The following SDK2 variants were observed in gnomAD, a reference collection of about 807,000 sequenced individuals.
SDK2 encodes sidekick cell adhesion molecule 2, also known as protein sidekick-2.
Under a neutral mutation model 253.9 loss-of-function variants are expected in SDK2, and 105 were observed. The observed-to-expected ratio is 0.41, with a 90% CI of 0.35 to 0.49. The LOEUF is 0.49. Among genes scored for constraint, SDK2 ranks in the 20% least tolerant of loss-of-function variants. The pLI is 0.06. For missense variants in SDK2, 2,608 were observed against 3,003.0 expected (o/e 0.87, Z 3.07); for synonymous variants, 1,249 against 1,234.9 (o/e 1.01, Z -0.24).
rs2062376247 is a variant in SDK2 at position 73,336,183 on chromosome 17, A to G, written c.*2404T>C. On this transcript the variant is annotated 3_prime_UTR_variant, in exon 45 of 45. Coordinates refer to ENST00000392650, the MANE Select transcript of SDK2 (RefSeq NM_001144952.2). The stretch of plus-strand genomic sequence containing the variant: ...GGAAAGGGATGAAGTTATTTAAAAA[A>G]AAAAAAAAAAAAAAGATGAGAGGAA... 6.6e-6 allele frequency: 1 copy of G among 151,738 alleles called. No individual in the cohort carries two copies. Among genetic ancestry groups the G allele is most frequent in the Non-Finnish European group, 1.5e-5 (1 of 67,878 alleles). 9.4% of individuals were successfully genotyped at this position (151,738 alleles called of 1,614,324 possible). A position where few individuals can be genotyped will look rare whatever the true frequency, so the allele number is the denominator to read the frequency against.
chr17:73,471,852 C>T (rs1223889462), intron 3 of SDK2, among the ~76,000 whole-genome samples: 1 of 152,224 alleles, frequency 6.6e-6, no homozygotes, highest in African/African-American at 2.4e-5. Flanking sequence ...GCTCTTGGCT[C>T]TCGGGACATG....
rs147438025 is a variant in SDK2, at chr17:73,350,783, T to A, written c.5766A>T (p.Lys1922Asn). The stretch of plus-strand genomic sequence containing the variant: ...ACCACTCCTCATAGAAGGGGTTGGC[T>A]TTCTGGGCTGGAGCACAGATAGTCA... ...SSPSQSVPAQ[K>N]ANPFYEEWWF... Residue 1922 changes from lysine to asparagine, a missense_variant, in exon 42 of 45, where the codon AAA becomes AAT. Physicochemically the swap from Lys to Asn is moderately conservative, Grantham distance 94 (BLOSUM62 0). Transcript: ENST00000392650. 1.1e-5 allele frequency: 18 copies of A among 1,608,740 alleles called. No individual in the cohort carries two copies. Among genetic ancestry groups the A allele is most frequent in the Middle Eastern group, 1.7e-4 (1 of 5,972 alleles).
intron 6 of SDK2, among the ~76,000 whole-genome samples, chr17:73,440,525 A>G (rs576647910): frequency 2.8e-4 from 42 of 152,310 alleles, no homozygotes; most frequent in Non-Finnish European, 5.6e-4. Context: ...TCCAAGGGTT[A>G]GAAGTGAGTC....
Position 73,415,980 on chromosome 17 carries a change from G to A in SDK2, c.2199C>T (p.Ala733=), listed in dbSNP as rs149966704. 1.9e-5 allele frequency: 30 copies of A among 1,610,438 alleles called. No individual in the cohort carries two copies. In the African/African-American group the frequency reaches 1.9e-4, roughly 10 times the overall value. ...TAAACTGGTACCCCACGGGCAGCCC[G>A]GCCAGGCAGTACCTGAGGGGAAGAG... ...LKGYIIRYCL[A]GLPVGYQFKN... The change falls in exon 17 of 45, where the codon GCC becomes GCT. Residue 733 remains alanine (A), a synonymous_variant. Transcript: ENST00000392650.
chr17:73,373,054 G>A (rs530289221), intron 36 of SDK2, among the ~76,000 whole-genome samples: 3 of 152,254 alleles, frequency 2.0e-5, no homozygotes, highest in South Asian at 2.1e-4. Flanking sequence ...TCTGGCAACC[G>A]CTGTTCTACT....
At position 73,491,771 on chromosome 17, in the gene SDK2, C is replaced by T. The variant is rs561306963; in HGVS notation, c.224+15667G>A. Among the ~76,000 whole-genome samples, 7 of 152,300 alleles carry T rather than the reference C, an allele frequency of 4.6e-5. No individual in the cohort carries two copies. The East Asian group carries it at 9.7e-4, about 21-fold the overall frequency. ...TCTGGGTGTTCCAAAGTCACCCTTG[C>T]GGGTGCCTTCAGAGATACCAAGTGG... On this transcript the variant is annotated intron_variant, in intron 2 of 44. Coordinates refer to ENST00000392650, the MANE Select transcript of SDK2 (RefSeq NM_001144952.2).
chr17:73,365,924 C>T (rs1391712183), intron 37 of SDK2, among the ~76,000 whole-genome samples: 1 of 152,102 alleles, frequency 6.6e-6, no homozygotes, highest in African/African-American at 2.4e-5. Context: ...CAGGGGGAGC[C>T]ACGCCAAGGA....
intron 44 of SDK2, among the ~76,000 whole-genome samples, chr17:73,339,606 G>A (rs1806968673): frequency 6.6e-6 from 1 of 152,048 alleles, no homozygotes; most frequent in South Asian, 2.1e-4. Context: ...TGCCCAGGCT[G>A]GAGCACAGTG....
At chr17:73,619,426 A>G (rs1210168896) in intron 1 of SDK2, among the ~76,000 whole-genome samples, 2 of 152,244 alleles carry the variant, frequency 1.3e-5, no homozygotes, top group Non-Finnish European at 2.9e-5. Flanking sequence ...AACAGAACAG[A>G]GAGTCTATAT....
intron 18 of SDK2, 66 bp downstream of exon 18, chr17:73,414,578 C>T: frequency 7.8e-7 from 1 of 1,276,220 alleles, no homozygotes; most frequent in South Asian, 1.2e-5. Flanking sequence ...CCCACTCTGT[C>T]CCCTCTCCCC....
intron 20 of SDK2, 73 bp downstream of exon 20, chr17:73,401,581 G>A: frequency 7.4e-7 from 1 of 1,348,962 alleles, no homozygotes; most frequent in Non-Finnish European, 1.0e-6. Flanking sequence ...TAGCTCAAAG[G>A]CAGGGGATGG....
chr17:73,403,864 G>A (rs541342618), intron 18 of SDK2, among the ~76,000 whole-genome samples: 2 of 152,218 alleles, frequency 1.3e-5, no homozygotes, highest in African/African-American at 4.8e-5. Context: ...TTATGTTGCC[G>A]AACTTCTTTG....
intron 8 of SDK2, among the ~76,000 whole-genome samples, chr17:73,436,004 TC>T (rs1327579060): frequency 6.6e-6 from 1 of 152,166 alleles, no homozygotes; most frequent in African/African-American, 2.4e-5. Flanking sequence ...TCCTCCCACC[TC>T]AGCCTCCCAA....
chr17:73,519,161 T>C (rs2064055758), intron 1 of SDK2: 1 of 152,244 alleles, frequency 6.6e-6, no homozygotes, highest in Non-Finnish European at 1.5e-5. Flanking sequence ...TCAGCGATGG[T>C]GCCACCAGAT....
At chr17:73,419,375 G>C in intron 15 of SDK2, 69 bp from the exon 16 acceptor site, 1 of 1,540,576 alleles carries the variant, frequency 6.5e-7, no homozygotes, top group South Asian at 1.2e-5. Flanking sequence ...ATATGAGAAG[G>C]CTGAACCCTG....
rs1378892111 is a variant in SDK2, at chr17:73,642,834, G to C, written c.64+1191C>G. ...CTCGTAAAATCCTCCCCTCAGCCCT[G>C]TGAGTGAGAGCTGATTATTTTCATC... On this transcript the variant is annotated intron_variant, in intron 1 of 44. Coordinates refer to ENST00000392650, the MANE Select transcript of SDK2 (RefSeq NM_001144952.2). The surrounding 1 kb of genome is among the most constrained non-coding windows in gnomAD (Gnocchi z 4.7). 2.0e-5 allele frequency among the ~76,000 whole-genome samples: 3 copies of C among 152,196 alleles called. No homozygotes were observed. The highest frequency in any genetic ancestry group is 4.4e-5 in the Non-Finnish European group (3 of 68,036).
intron 34 of SDK2, 28 bp downstream of exon 34, chr17:73,380,866 G>A (rs890797483): frequency 2.6e-6 from 4 of 1,511,900 alleles, no homozygotes; most frequent in Non-Finnish European, 2.7e-6. Flanking sequence ...CTGGGCCCGC[G>A]ATGAAGCCAC....
At chr17:73,400,543 C>T (rs928324596) in intron 21 of SDK2, among the ~76,000 whole-genome samples, 2 of 152,142 alleles carry the variant, frequency 1.3e-5, no homozygotes, top group African/African-American at 4.8e-5. Flanking sequence ...TGTCCAGAGA[C>T]CTGGGATCCC....
intron 1 of SDK2, among the ~76,000 whole-genome samples, chr17:73,522,717 G>A (rs970064502): frequency 3.3e-5 from 5 of 152,162 alleles, no homozygotes; most frequent in Non-Finnish European, 7.4e-5. Flanking sequence ...ACCCACCCCC[G>A]CTCCTCTCTG....
Sources: allele counts gnomAD v4.1 joint callset (sites outside exome capture counted in the v4.1 genomes callset), GRCh38; gene constraint gnomAD v4.1.1; non-coding constraint Gnocchi (gnomAD v3.1); transcripts MANE v1.5; gene names NCBI Gene and HGNC (gene_info 2026-07-23, HGNC 2026-07-21).